The following NXPE2 variants were observed in gnomAD, a reference collection of about 807,000 sequenced individuals.
NXPE2 encodes neurexophilin and PC-esterase domain family member 2, also known as NXPE family member 2.
NXPE2 carries 34 observed loss-of-function variants against 34.4 expected under a neutral mutation model. The observed-to-expected ratio is 0.99, with a 90% CI of 0.75 to 1.31. The LOEUF is 1.31. Ranked by LOEUF, NXPE2 falls within the 40% of genes most tolerant of loss-of-function variation. The pLI is 0.00. For synonymous variants in NXPE2, 235 were observed against 231.3 expected, an observed-to-expected ratio of 1.02 and a Z score of -0.15; for missense variants, 649 against 672.5, an observed-to-expected ratio of 0.97 and a Z score of 0.39.
the NXPE2 span, among the ~76,000 whole-genome samples, chr11:114,550,895 G>C: frequency 1.3e-5 from 2 of 152,128 alleles, no homozygotes. Flanking sequence ...AATCCTAATT[G>C]GAATGGACTG....
At chr11:114,717,684 A>G in the NXPE2 span, among the ~76,000 whole-genome samples, 5 of 152,200 alleles carry the variant, frequency 3.3e-5, no homozygotes, top group African/African-American at 1.2e-4. Context: ...GTACTGGTGA[A>G]TACACTACAC....
chr11:114,613,699 C>T, the NXPE2 span, among the ~76,000 whole-genome samples: 1 of 151,918 alleles, frequency 6.6e-6, no homozygotes, highest in Admixed American at 6.6e-5. Flanking sequence ...CGTGGGGAGC[C>T]ACTGTTACCC....
the NXPE2 span, among the ~76,000 whole-genome samples, chr11:114,528,413 G>T: frequency 2.0e-5 from 3 of 152,118 alleles, no homozygotes; most frequent in Non-Finnish European, 4.4e-5. Context: ...TTTTTGGGTG[G>T]CAGGTAGACC....
chr11:114,679,857 A>C (rs919818577), intron 2 of NXPE2, 95 bp downstream of exon 2: 4 of 711,448 alleles, frequency 5.6e-6, no homozygotes, highest in Non-Finnish European at 9.5e-6. Flanking sequence ...AGTTAAAAGC[A>C]TATCATCTTA....
At chr11:114,513,715 G>T in the NXPE2 span, among the ~76,000 whole-genome samples, 1 of 151,976 alleles carries the variant, frequency 6.6e-6, no homozygotes, top group Non-Finnish European at 1.5e-5. Flanking sequence ...AAAAATATAT[G>T]GCTAAGAAAA....
the NXPE2 span, chr11:114,571,246 G>T: frequency 6.2e-7 from 1 of 1,614,060 alleles, no homozygotes; most frequent in Non-Finnish European, 8.5e-7. Context: ...ACATCAATGG[G>T]AAAGGGTCTG....
chr11:114,521,148 G>T, the NXPE2 span, among the ~76,000 whole-genome samples: 28 of 151,816 alleles, frequency 1.8e-4, no homozygotes, highest in East Asian at 4.8e-3. Context: ...ATCTATTAGG[G>T]TTATTGATTT....
the NXPE2 span, among the ~76,000 whole-genome samples, chr11:114,464,836 A>C: frequency 6.6e-6 from 1 of 152,066 alleles, no homozygotes; most frequent in Non-Finnish European, 1.5e-5. Flanking sequence ...AATATACAAA[A>C]ATATTTCCTA....
the NXPE2 span, among the ~76,000 whole-genome samples, chr11:114,534,281 C>A: frequency 6.6e-6 from 1 of 152,210 alleles, no homozygotes; most frequent in African/African-American, 2.4e-5. Context: ...CAAAACCCAT[C>A]TGTACATAAC....
the NXPE2 span, among the ~76,000 whole-genome samples, chr11:114,471,430 T>A: frequency 6.6e-6 from 1 of 152,206 alleles, no homozygotes; most frequent in South Asian, 2.1e-4. Context: ...CATATAAGTG[T>A]ATAAATAACA....
rs780437058 is a variant in NXPE2, at chr11:114,705,999, A to G, written c.1144+3A>G. On this transcript the variant is annotated splice_donor_region_variant and intron_variant, in intron 5 of 5. Coordinates refer to ENST00000389586, the MANE Select transcript of NXPE2 (RefSeq NM_182495.6). ...CTACTTACAAAAAGCTGTGAAAAGTATGTATTTAATTTATATTTTGAAATT... is the reference window on the plus strand; with the variant it reads ...CTACTTACAAAAAGCTGTGAAAAGTGTGTATTTAATTTATATTTTGAAATT... 26 of 1,265,190 alleles carry G rather than the reference A, an allele frequency of 2.1e-5. No individual in the cohort carries two copies. The highest frequency in any genetic ancestry group is 1.0e-4 in the South Asian group (4 of 38,946). The allele number at this position is 1,265,190 out of a possible 1,614,324, so 78.4% of individuals were successfully genotyped here.
the NXPE2 span, among the ~76,000 whole-genome samples, chr11:114,671,661 G>A: frequency 0.85 from 129,408 of 151,968 alleles, 56,102 homozygotes; most frequent in East Asian, 0.92. Context: ...GAAAAAAATA[G>A]AATAAGCCTG....
chr11:114,513,511 C>A, the NXPE2 span: 1 of 178,852 alleles, frequency 5.6e-6, no homozygotes, highest in East Asian at 1.4e-4. Context: ...CTGAACCTGT[C>A]CTTATTTCAT....
the NXPE2 span, chr11:114,594,657 T>C: frequency 6.4e-7 from 1 of 1,570,610 alleles, no homozygotes; most frequent in Non-Finnish European, 8.7e-7. Flanking sequence ...AATAAAGCAT[T>C]TCCTACCTTT....
At chr11:114,628,934 A>C in the NXPE2 span, among the ~76,000 whole-genome samples, 1 of 152,024 alleles carries the variant, frequency 6.6e-6, no homozygotes, top group Non-Finnish European at 1.5e-5. Context: ...GAAATGGATA[A>C]ATTCCTCGAC....
At chr11:114,581,619 A>G in the NXPE2 span, 409 of 882,704 alleles carry the variant, frequency 4.6e-4, 1 homozygote, top group African/African-American at 6.1e-3. Flanking sequence ...AGCCAGATGA[A>G]CAGAGTGCTG....
At chr11:114,621,767 T>A in the NXPE2 span, among the ~76,000 whole-genome samples, 1 of 152,150 alleles carries the variant, frequency 6.6e-6, no homozygotes, top group Non-Finnish European at 1.5e-5. Flanking sequence ...AGGTATTGCC[T>A]CATGGGTAAC....
the NXPE2 span, chr11:114,580,016 G>T: frequency 2.3e-6 from 2 of 860,122 alleles, no homozygotes; most frequent in Non-Finnish European, 3.8e-6. Context: ...AAATTTTGGT[G>T]TGTTGTGATT....
intron 2 of NXPE2, among the ~76,000 whole-genome samples, chr11:114,691,218 C>T (rs1238060849): frequency 6.6e-6 from 1 of 151,610 alleles, no homozygotes; most frequent in African/African-American, 2.4e-5. Flanking sequence ...TCTTTTCTTC[C>T]CTTTGAATTT....
Sources: allele counts gnomAD v4.1 joint callset (sites outside exome capture counted in the v4.1 genomes callset), GRCh38; gene constraint gnomAD v4.1.1; transcripts MANE v1.5; gene names NCBI Gene and HGNC (gene_info 2026-07-23, HGNC 2026-07-21).